The following RAP1GDS1 variants were observed in gnomAD, a reference collection of about 807,000 sequenced individuals.
RAP1GDS1 encodes RAP1, GTP-GDP dissociation stimulator 1.
RAP1GDS1 carries 35 observed loss-of-function variants against 71.1 expected under a neutral mutation model. The observed-to-expected ratio is 0.49, with a 90% CI of 0.38 to 0.65. RAP1GDS1 has a LOEUF of 0.65. Among genes scored for constraint, RAP1GDS1 ranks in the 30% least tolerant of loss-of-function variants. The pLI, the probability that RAP1GDS1 is intolerant of heterozygous loss-of-function variation, is 0.00. For synonymous variants in RAP1GDS1, 229 were observed against 243.1 expected (o/e 0.94, Z 0.54); for missense variants, 663 against 706.1 (o/e 0.94, Z 0.69).
intron 4 of RAP1GDS1, among the ~76,000 whole-genome samples, chr4:98,371,470 G>C (rs1740376465): frequency 6.6e-6 from 1 of 151,546 alleles, no homozygotes; most frequent in African/African-American, 2.4e-5. Context: ...TGATAATACT[G>C]CTTATTTTTT....
At chr4:98,373,889 C>T (rs1456200273) in intron 4 of RAP1GDS1, among the ~76,000 whole-genome samples, 4 of 152,140 alleles carry the variant, frequency 2.6e-5, no homozygotes, top group African/African-American at 9.7e-5. Flanking sequence ...GACAGCTGAT[C>T]TGACAGTTAC....
chr4:98,330,001 A>G (rs1733713966), intron 2 of RAP1GDS1, among the ~76,000 whole-genome samples: 1 of 152,102 alleles, frequency 6.6e-6, no homozygotes. Flanking sequence ...GTCATAGGAC[A>G]ATAGTGGAGA....
intron 11 of RAP1GDS1, among the ~76,000 whole-genome samples, chr4:98,420,920 T>C (rs1476328926): frequency 2.0e-5 from 3 of 152,252 alleles, no homozygotes; most frequent in Non-Finnish European, 4.4e-5. Context: ...TGAATTATGT[T>C]TATTTACTTA....
intron 1 of RAP1GDS1, among the ~76,000 whole-genome samples, chr4:98,279,546 TTATA>T (rs1724745980): frequency 6.6e-6 from 1 of 152,030 alleles, no homozygotes; most frequent in Admixed American, 6.6e-5. Flanking sequence ...TGCAAATTAT[TTATA>T]TATACTTACA....
chr4:98,332,116 C>T (rs1352421214), intron 2 of RAP1GDS1, among the ~76,000 whole-genome samples: 1 of 152,196 alleles, frequency 6.6e-6, no homozygotes, highest in Non-Finnish European at 1.5e-5. Flanking sequence ...ATTGCTTCTT[C>T]TTATGGTAAA....
chr4:98,301,068 A>G (rs1012716929), intron 2 of RAP1GDS1, among the ~76,000 whole-genome samples: 1 of 152,008 alleles, frequency 6.6e-6, no homozygotes, highest in African/African-American at 2.4e-5. Context: ...GAGATGAAAA[A>G]TTATTATTTT....
intron 2 of RAP1GDS1, among the ~76,000 whole-genome samples, chr4:98,340,032 G>T (rs908605481): frequency 2.7e-5 from 4 of 150,590 alleles, no homozygotes; most frequent in Non-Finnish European, 1.5e-5. Flanking sequence ...AAAAATAAAA[G>T]ATGGTGGTGA....
chr4:98,268,139 C>T (rs1259259623), intron 1 of RAP1GDS1, among the ~76,000 whole-genome samples: 1 of 152,048 alleles, frequency 6.6e-6, no homozygotes, highest in Non-Finnish European at 1.5e-5. Context: ...TGGGATTTAT[C>T]CCTGGGATGC....
rs190896747 is a variant in RAP1GDS1, at chr4:98,357,617, A to G, written c.361+5016A>G. Among the ~76,000 whole-genome samples, 225 of 152,088 alleles carry G rather than the reference A, an allele frequency of 1.5e-3. 1 individual carries two copies. Among genetic ancestry groups the G allele is most frequent in the African/African-American group, 5.3e-3 (222 of 41,576 alleles). On this transcript the variant is annotated intron_variant, in intron 4 of 14. Coordinates refer to ENST00000408927, the MANE Select transcript of RAP1GDS1 (RefSeq NM_001100427.2). ...AACAAAGGAACACAACCTGAGGACA[A>G]TTACAGAGCACACACTAAATATGTT... is the stretch of plus-strand genomic sequence containing the variant.
At chr4:98,403,143 A>G (rs762904605) in intron 6 of RAP1GDS1, among the ~76,000 whole-genome samples, 5 of 152,162 alleles carry the variant, frequency 3.3e-5, no homozygotes, top group Non-Finnish European at 7.4e-5. Context: ...AATGAAAGAG[A>G]AAAGGCATAG....
At chr4:98,305,547 T>C (rs888790279) in intron 2 of RAP1GDS1, among the ~76,000 whole-genome samples, 12 of 152,252 alleles carry the variant, frequency 7.9e-5, no homozygotes, top group African/African-American at 2.9e-4. Context: ...AAAGGGAGCA[T>C]GGAAAGGCTT....
At chr4:98,279,347 G>A (rs1056754483) in intron 1 of RAP1GDS1, among the ~76,000 whole-genome samples, 7 of 151,448 alleles carry the variant, frequency 4.6e-5, no homozygotes, top group African/African-American at 7.3e-5. Flanking sequence ...ATAACTATAT[G>A]CAAAAGAATT....
At chr4:98,373,039 G>A (rs578247783) in intron 4 of RAP1GDS1, among the ~76,000 whole-genome samples, 11 of 152,322 alleles carry the variant, frequency 7.2e-5, no homozygotes, top group South Asian at 4.1e-4. Flanking sequence ...GAGAAAAACT[G>A]TCTTAACATA....
intron 4 of RAP1GDS1, among the ~76,000 whole-genome samples, chr4:98,354,997 A>T (rs1737741308): frequency 6.6e-6 from 1 of 152,150 alleles, no homozygotes; most frequent in Non-Finnish European, 1.5e-5. Context: ...TTCAAAATTA[A>T]ATTCTGTCAA....
At chr4:98,263,729 C>T (rs140178186) in intron 1 of RAP1GDS1, among the ~76,000 whole-genome samples, 1 of 152,262 alleles carries the variant, frequency 6.6e-6, no homozygotes, top group East Asian at 1.9e-4. Flanking sequence ...CTTAAAGCCA[C>T]CTATTATTTT....
At chr4:98,323,132 T>C (rs1732270388) in intron 2 of RAP1GDS1, among the ~76,000 whole-genome samples, 1 of 149,226 alleles carries the variant, frequency 6.7e-6, no homozygotes, top group African/African-American at 2.5e-5. Flanking sequence ...CATCAGAGAA[T>C]ACTACAAACA....
chr4:98,357,882 T>G (rs1470199107), intron 4 of RAP1GDS1, among the ~76,000 whole-genome samples: 1 of 152,002 alleles, frequency 6.6e-6, no homozygotes, highest in African/African-American at 2.4e-5. Context: ...TAAAGTAAGC[T>G]TGTGTGGATT....
intron 2 of RAP1GDS1, among the ~76,000 whole-genome samples, chr4:98,313,205 G>C (rs775453128): frequency 2.0e-5 from 3 of 151,244 alleles, no homozygotes; most frequent in Admixed American, 6.6e-5. Flanking sequence ...TCTGAAGACT[G>C]TCTGTTAGCA....
At chr4:98,427,066 T>C (rs1404863605) in intron 12 of RAP1GDS1, among the ~76,000 whole-genome samples, 1 of 152,102 alleles carries the variant, frequency 6.6e-6, no homozygotes, top group African/African-American at 2.4e-5. Flanking sequence ...TGGTTTAACA[T>C]ACCCAAGTCA....
Sources: gnomAD v4.1 joint callset for allele counts (sites outside exome capture counted in the v4.1 genomes callset) on GRCh38, gnomAD v4.1.1 for gene constraint, MANE v1.5 for transcripts, NCBI Gene and HGNC (gene_info 2026-07-23, HGNC 2026-07-21) for gene names.